NEDD1: variants seen among roughly 807,000 people sequenced by gnomAD.
NEDD1 encodes the protein NEDD1 gamma-tubulin ring complex targeting factor, also known as protein NEDD1.
In NEDD1, 33 loss-of-function variants were observed where a neutral mutation model predicts 74.0. That is an observed-to-expected ratio of 0.45 (90% CI 0.34 to 0.60). NEDD1 has a LOEUF of 0.60. Ranked by LOEUF, NEDD1 falls within the 20% of genes least tolerant of loss-of-function variation. The pLI is 0.01. For missense variants in NEDD1, 746 were observed against 776.5 expected, an observed-to-expected ratio of 0.96 and a Z score of 0.47; for synonymous variants, 250 against 264.4, an observed-to-expected ratio of 0.95 and a Z score of 0.53.
At chr12:96,911,082 C>T (rs373754552) in intron 3 of NEDD1, among the ~76,000 whole-genome samples, 2 of 152,292 alleles carry the variant, frequency 1.3e-5, no homozygotes, top group East Asian at 1.9e-4. Flanking sequence ...GTTAATCAAA[C>T]TCATGGTGAA....
chr12:96,910,212 TA>T (rs1472682079), intron 3 of NEDD1, among the ~76,000 whole-genome samples: 3 of 129,704 alleles, frequency 2.3e-5, no homozygotes, highest in Admixed American at 1.5e-4. Flanking sequence ...CCAAATGGAA[TA>T]AGGTTGGTAG....
intron 6 of NEDD1, among the ~76,000 whole-genome samples, chr12:96,933,235 T>G (rs1220627574): frequency 6.6e-6 from 1 of 152,146 alleles, no homozygotes; most frequent in African/African-American, 2.4e-5. Flanking sequence ...TTTATGAACT[T>G]CGAGAATCTA....
At chr12:96,951,053 C>T (rs138232366) in intron 14 of NEDD1, among the ~76,000 whole-genome samples, 99 of 151,884 alleles carry the variant, frequency 6.5e-4, no homozygotes, top group Middle Eastern at 3.4e-3. Flanking sequence ...GTCTTAATGA[C>T]AATTTCTATA....
chr12:96,945,774 G>A lies in NEDD1; in HGVS notation c.1736G>A (p.Arg579Gln), dbSNP rs1037305612. The A allele has an allele frequency of 5.6e-6, 9 of 1,610,562 alleles. No homozygotes were observed. The highest frequency in any genetic ancestry group is 1.7e-5 in the Admixed American group (1 of 59,984). ...EKIADSIGNN[R>Q]QNAPLTSIQI... ...ATAGCCGACAGCATTGGAAATAACCGGCAAAATGCACCATTGACTTCCATT... is the reference window on the plus strand; with the variant it reads ...ATAGCCGACAGCATTGGAAATAACCAGCAAAATGCACCATTGACTTCCATT... The change falls in exon 14 of 16, where the codon CGG (arginine) becomes CAG (glutamine). Residue 579 changes from arginine (R) to glutamine (Q), a missense_variant. Physicochemically the swap from Arg to Gln is conservative, Grantham distance 43. Coordinates refer to ENST00000266742, the MANE Select transcript of NEDD1 (RefSeq NM_152905.4).
intron 6 of NEDD1, among the ~76,000 whole-genome samples, chr12:96,933,815 C>T (rs957536567): frequency 3.3e-5 from 5 of 151,890 alleles, no homozygotes; most frequent in Admixed American, 6.6e-5. Context: ...CTTAATTTTC[C>T]GCCTAGTAAA....
intron 14 of NEDD1, among the ~76,000 whole-genome samples, chr12:96,949,666 A>G (rs1057356475): frequency 2.6e-5 from 4 of 152,154 alleles, no homozygotes; most frequent in Admixed American, 6.6e-5. Context: ...TTATTAAAGT[A>G]TAATTAAGAT....
intron 3 of NEDD1, among the ~76,000 whole-genome samples, chr12:96,911,820 A>G (rs1213620021): frequency 1.3e-5 from 2 of 152,176 alleles, no homozygotes; most frequent in African/African-American, 4.8e-5. Flanking sequence ...ATTACAGTCT[A>G]TGCTCTGTTT....
At chr12:96,915,607 A>AG (rs1230783694) in intron 4 of NEDD1, among the ~76,000 whole-genome samples, 2 of 152,218 alleles carry the variant, frequency 1.3e-5, no homozygotes, top group Non-Finnish European at 2.9e-5. Context: ...GAAGAATCCA[A>AG]GGATGCACTG....
At chr12:96,937,023 T>A (rs567064295) in intron 8 of NEDD1, among the ~76,000 whole-genome samples, 175 bp from the exon 9 acceptor site, 2 of 152,184 alleles carry the variant, frequency 1.3e-5, no homozygotes, top group East Asian at 3.9e-4. Context: ...TATCTCTCTT[T>A]TTAAAAGTAT....
chr12:96,907,533 C>G (rs1873449761), intron 1 of NEDD1, 71 bp from the exon 2 acceptor site: 9 of 1,331,814 alleles, frequency 6.8e-6, no homozygotes, highest in Non-Finnish European at 9.5e-6. Flanking sequence ...TGTGCTGCCT[C>G]CGAAAAGTTT....
At chr12:96,930,844 G>C (rs1876385057) in intron 6 of NEDD1, among the ~76,000 whole-genome samples, 2 of 151,960 alleles carry the variant, frequency 1.3e-5, no homozygotes, top group Admixed American at 1.3e-4. Flanking sequence ...GCACACACAC[G>C]TACACATGCA....
In NEDD1 at chr12:96,942,364, A is replaced by G. The variant is rs139568846; in HGVS notation, c.1247-213A>G. ...GCCTCATTAAATGACTGTACTATAG[A>G]ATTATCTGTTCATATTTGCTGCTAA... On this transcript the variant is annotated intron_variant, in intron 10 of 15. Transcript: ENST00000266742. 1.5e-3 allele frequency among the ~76,000 whole-genome samples: 227 copies of G among 152,226 alleles called. 1 individual carries two copies. The highest frequency in any genetic ancestry group is 2.7e-3 in the Non-Finnish European group (185 of 68,000).
At chr12:96,938,820 T>TTCTC (rs917668425) in intron 9 of NEDD1, among the ~76,000 whole-genome samples, 1 of 112,126 alleles carries the variant, frequency 8.9e-6, no homozygotes, top group South Asian at 3.1e-4. Flanking sequence ...CTGTCTCTCA[T>TTCTC]TCTCTCTCTC....
chr12:96,931,716 A>C (rs1392020131), intron 6 of NEDD1, among the ~76,000 whole-genome samples: 1 of 152,196 alleles, frequency 6.6e-6, no homozygotes, highest in Non-Finnish European at 1.5e-5. Context: ...ACAGCTATTA[A>C]AATCAAGTAG....
At position 96,943,774 on chromosome 12, in the gene NEDD1, AAAAT is replaced by A. The variant is rs1443696661; in HGVS notation, c.1497+13_1497+16del. Reference sequence around the variant, plus strand: ...ACTCCTTCAAACAGGTATTTGCCTGAAAATGATACTGAACTCACTGTATGTGTTT... The same window carrying A: ...ACTCCTTCAAACAGGTATTTGCCTGAGATACTGAACTCACTGTATGTGTTT... On this transcript the variant is annotated intron_variant, in intron 12 of 15. Coordinates refer to ENST00000266742, the MANE Select transcript of NEDD1 (RefSeq NM_152905.4). The A allele has an allele frequency of 6.5e-7, 1 of 1,545,652 alleles. No individual in the cohort carries two copies. Among genetic ancestry groups the A allele is most frequent in the African/African-American group, 1.4e-5 (1 of 73,332 alleles).
rs7980370 is a variant in NEDD1 at position 96,952,727 on chromosome 12, A to G, written c.*674A>G. 0.12 allele frequency: 18,611 copies of G among 151,690 alleles called. 1,194 individuals are homozygous for G. The highest frequency in any genetic ancestry group is 0.17 in the African/African-American group (7,027 of 41,452). The allele number at this position is 151,690 out of a possible 1,614,324, so 9.4% of individuals were successfully genotyped here. ...TTTAAGATATCTTTACCTATAAAAAATGTTTAAGGTTCATAGGACTCGACA... is the reference window on the plus strand; with the variant it reads ...TTTAAGATATCTTTACCTATAAAAAGTGTTTAAGGTTCATAGGACTCGACA... On this transcript the variant is annotated 3_prime_UTR_variant, in exon 16 of 16. Transcript: ENST00000266742.
chr12:96,914,086 C>G (rs1256387301), intron 4 of NEDD1, among the ~76,000 whole-genome samples: 2 of 152,302 alleles, frequency 1.3e-5, no homozygotes, highest in East Asian at 3.9e-4. Flanking sequence ...TTGAGGCACT[C>G]TGTTTAACCT....
At chr12:96,929,939 T>C (rs1168728825) in intron 6 of NEDD1, among the ~76,000 whole-genome samples, 1 of 152,154 alleles carries the variant, frequency 6.6e-6, no homozygotes, top group Non-Finnish European at 1.5e-5. Flanking sequence ...TTGGCTGTTA[T>C]GGGCTGCTTC....
intron 6 of NEDD1, among the ~76,000 whole-genome samples, chr12:96,923,784 CTGTT>C (rs1875369261): frequency 1.4e-5 from 1 of 71,268 alleles, no homozygotes; most frequent in Non-Finnish European, 3.3e-5. Flanking sequence ...TCCTTAATAC[CTGTT>C]TGTGTGTGTG....
Sources: allele counts gnomAD v4.1 joint callset (sites outside exome capture counted in the v4.1 genomes callset), GRCh38; gene constraint gnomAD v4.1.1; transcripts MANE v1.5; gene names NCBI Gene and HGNC (gene_info 2026-07-23, HGNC 2026-07-21).